AEBP2: variants seen among roughly 807,000 people sequenced by gnomAD.
AEBP2 encodes the protein AE binding protein 2, also known as zinc finger protein AEBP2.
AEBP2 carries 10 observed loss-of-function variants against 50.8 expected under a neutral mutation model. The ratio of observed to expected loss-of-function variants is 0.20; its 90% CI spans 0.12 to 0.33. The LOEUF is 0.33. Among genes scored for constraint, AEBP2 ranks in the 10% least tolerant of loss-of-function variants. AEBP2 has a pLI of 1.00. For synonymous variants in AEBP2, 296 were observed against 261.3 expected, an observed-to-expected ratio of 1.13 and a Z score of -1.28; for missense variants, 570 against 688.0, an observed-to-expected ratio of 0.83 and a Z score of 1.92.
intron 3 of AEBP2, among the ~76,000 whole-genome samples, chr12:19,488,469 G>A (rs1170064807): frequency 6.6e-6 from 1 of 152,102 alleles, no homozygotes; most frequent in East Asian, 1.9e-4. Flanking sequence ...GGCAGATTCT[G>A]AATTTCAGAG....
chr12:19,466,815 T>C lies in AEBP2; in HGVS notation c.879+4098T>C, dbSNP rs975204186. ...TTGGTAACCCTAGAAGATTTTATGCTTCTGATTATTGAAAGATGACAGTTT... is the reference window on the plus strand; with the variant it reads ...TTGGTAACCCTAGAAGATTTTATGCCTCTGATTATTGAAAGATGACAGTTT... On this transcript the variant is annotated intron_variant, in intron 2 of 7. Coordinates refer to ENST00000266508, the MANE Select transcript of AEBP2 (RefSeq NM_153207.5). The C allele has an allele frequency of 8.1e-6, 8 of 984,492 alleles. No homozygotes were observed. The Admixed American group carries it at 4.3e-4, about 53-fold the overall frequency. The allele number at this position is 984,492 out of a possible 1,614,324, so 61.0% of individuals were successfully genotyped here. A position where few individuals can be genotyped will look rare whatever the true frequency, so the allele number is the denominator to read the frequency against.
At chr12:19,455,116 C>G (rs992444905) in intron 1 of AEBP2, among the ~76,000 whole-genome samples, 1 of 151,674 alleles carries the variant, frequency 6.6e-6, no homozygotes, top group Admixed American at 6.6e-5. Flanking sequence ...ACCTTAGCCT[C>G]CTGTGTAGCT....
intron 2 of AEBP2, among the ~76,000 whole-genome samples, chr12:19,464,374 A>T (rs1419308821): frequency 6.6e-6 from 1 of 152,066 alleles, no homozygotes; most frequent in East Asian, 1.9e-4. Context: ...CACTTGACTT[A>T]GCAACTGTGT....
intron 1 of AEBP2, among the ~76,000 whole-genome samples, chr12:19,445,273 A>T (rs1022702801): frequency 7.2e-5 from 11 of 151,866 alleles, no homozygotes; most frequent in Admixed American, 6.6e-5. Flanking sequence ...ATCTTGGCTC[A>T]CGGCAGCCTC....
Position 19,518,946 on chromosome 12 carries a change from AT to A in AEBP2, c.*837del. The A allele has an allele frequency of 1.0e-5, 3 of 297,236 alleles. No homozygotes were observed. Among genetic ancestry groups the A allele is most frequent in the Non-Finnish European group, 6.1e-6 (1 of 163,832 alleles). The allele number at this position is 297,236 out of a possible 1,614,324, so 18.4% of individuals were successfully genotyped here. A position where few individuals can be genotyped will look rare whatever the true frequency, so the allele number is the denominator to read the frequency against. On this transcript the variant is annotated 3_prime_UTR_variant, in exon 8 of 8. Transcript: ENST00000266508. ...TTTTCATTTAACCTATATGACTCTA[AT>A]TTTTTTTCTGAGGAAATCATTTGGT...
chr12:19,453,677 G>A (rs1399163779), intron 1 of AEBP2, among the ~76,000 whole-genome samples: 1 of 152,108 alleles, frequency 6.6e-6, no homozygotes, highest in Admixed American at 6.5e-5. Context: ...ACCCGCCTTG[G>A]CCTCCCAAAG....
chr12:19,453,627 T>C (rs2153368542), intron 1 of AEBP2, among the ~76,000 whole-genome samples: 1 of 152,094 alleles, frequency 6.6e-6, no homozygotes, highest in East Asian at 2.0e-4. Flanking sequence ...TTTTGCCATG[T>C]TGGCTAGGCT....
intron 5 of AEBP2, among the ~76,000 whole-genome samples, chr12:19,503,523 T>C (rs1949113605): frequency 6.6e-6 from 1 of 152,166 alleles, no homozygotes; most frequent in East Asian, 1.9e-4. Context: ...CTTCAGGTTT[T>C]TCTAGGTGTA....
At chr12:19,504,243 A>G (rs1432723151) in intron 5 of AEBP2, among the ~76,000 whole-genome samples, 3 of 149,696 alleles carry the variant, frequency 2.0e-5, no homozygotes, top group Non-Finnish European at 3.0e-5. Context: ...ATAGTTGTAT[A>G]TATTTTTTTG....
chr12:19,513,359 A>G (rs1204168715), intron 6 of AEBP2, among the ~76,000 whole-genome samples: 1 of 152,116 alleles, frequency 6.6e-6, no homozygotes, highest in Non-Finnish European at 1.5e-5. Flanking sequence ...TCTTTTTATA[A>G]AAGGAAATGA....
chr12:19,479,796 G>T (rs1253246363), intron 3 of AEBP2, among the ~76,000 whole-genome samples: 4 of 115,060 alleles, frequency 3.5e-5, no homozygotes, highest in African/African-American at 1.4e-4. Flanking sequence ...TAATAGCTAT[G>T]CCTGCTTGCT....
At chr12:19,426,086 C>T (rs1159054074) in intron 1 of AEBP2, among the ~76,000 whole-genome samples, 1 of 152,112 alleles carries the variant, frequency 6.6e-6, no homozygotes, top group Non-Finnish European at 1.5e-5. Flanking sequence ...CAGGCGTGCA[C>T]CACCACAACT....
Position 19,518,213 on chromosome 12 carries a change from C to A in AEBP2, c.*96C>A. On this transcript the variant is annotated 3_prime_UTR_variant, in exon 8 of 8. Coordinates refer to ENST00000266508, the MANE Select transcript of AEBP2 (RefSeq NM_153207.5). ...GGGAAAGTTGCACATTAGAGTCAAC[C>A]CCTTCTTTTTTTTTTTTTTTTTTTT... 2 of 1,347,026 alleles carry A rather than the reference C, an allele frequency of 1.5e-6. No individual in the cohort carries two copies. Among genetic ancestry groups the A allele is most frequent in the Non-Finnish European group, 9.5e-7 (1 of 1,051,938 alleles). The allele number at this position is 1,347,026 out of a possible 1,614,324, so 83.4% of individuals were successfully genotyped here.
At chr12:19,476,018 GATA>G (rs776244215) in intron 3 of AEBP2, among the ~76,000 whole-genome samples, 4 of 152,072 alleles carry the variant, frequency 2.6e-5, no homozygotes, top group Non-Finnish European at 4.4e-5. Context: ...TGCAGAAGCT[GATA>G]ATCTGCTGAT....
chr12:19,411,437 G>C (rs2095739174), intron 1 of AEBP2, among the ~76,000 whole-genome samples: 1 of 152,200 alleles, frequency 6.6e-6, no homozygotes, highest in South Asian at 2.1e-4. Flanking sequence ...TGAAAATGCA[G>C]AGAGAATTTC....
intron 5 of AEBP2, among the ~76,000 whole-genome samples, chr12:19,506,854 T>TA (rs1949161745): frequency 6.6e-6 from 1 of 152,142 alleles, no homozygotes; most frequent in African/African-American, 2.4e-5. Flanking sequence ...ATGGATGAGA[T>TA]ACTGGGTTTT....
At chr12:19,414,776 A>C (rs1343482483) in intron 1 of AEBP2, among the ~76,000 whole-genome samples, 2 of 152,138 alleles carry the variant, frequency 1.3e-5, no homozygotes, top group African/African-American at 4.8e-5. Flanking sequence ...TACAAAAATT[A>C]GCCAGATGTG....
chr12:19,412,336 G>A lies in AEBP2; in HGVS notation c.-17+8120G>A, dbSNP rs533325991. Among the ~76,000 whole-genome samples the A allele has an allele frequency of 2.0e-5, 3 of 152,018 alleles. No individual in the cohort carries two copies. The East Asian group carries it at 5.8e-4, about 29-fold the overall frequency. ...TGCTATCGCCAGGCTGGAGTGCAGT[G>A]GTGTGATCTTAGTTCACTACAACCT... On this transcript the variant is annotated intron_variant, in intron 1 of 3. Transcript: ENST00000538425.
chr12:19,420,273 C>T (rs2095744932), intron 1 of AEBP2, among the ~76,000 whole-genome samples: 1 of 151,124 alleles, frequency 6.6e-6, no homozygotes, highest in Admixed American at 6.6e-5. Context: ...AGGTGATCCA[C>T]CCACCTTGGC....
Sources: allele counts gnomAD v4.1 joint callset (sites outside exome capture counted in the v4.1 genomes callset), GRCh38; gene constraint gnomAD v4.1.1; transcripts MANE v1.5; gene names NCBI Gene and HGNC (gene_info 2026-07-23, HGNC 2026-07-21).